The following GAREM2 variants were observed in gnomAD, a reference collection of about 807,000 sequenced individuals.
The protein encoded by GAREM2 is GRB2 associated regulator of MAPK1 subtype 2.
GAREM2 carries 30 observed loss-of-function variants against 55.6 expected under a neutral mutation model. That is an observed-to-expected ratio of 0.54 (90% CI 0.40 to 0.73). The LOEUF is 0.73. GAREM2 is among the 30% of genes least tolerant of loss of function. GAREM2 has a pLI of 0.00. For missense variants in GAREM2, 1,075 were observed against 1,257.7 expected (o/e 0.85, Z 2.20); for synonymous variants, 550 against 569.1 (o/e 0.97, Z 0.48).
At chr2:26,192,391 TGATA>T (rs1057517397), downstream of GAREM2, 3 of 1,606,324 alleles carry the variant, frequency 1.9e-6, no homozygotes, top group Non-Finnish European at 2.6e-6. Context: ...CACACCCTCC[TGATA>T]GATGTAAAAG....
At chr2:26,185,426 C>A in intron 4 of GAREM2, 150 bp downstream of exon 4, 1 of 1,282,876 alleles carries the variant, frequency 7.8e-7, no homozygotes, top group Non-Finnish European at 1.0e-6. Context: ...GCATGCCAGG[C>A]AAAAGCATTT....
At chr2:26,192,271 A>C (rs1558313892), downstream of GAREM2, 1 of 1,055,020 alleles carries the variant, frequency 9.5e-7, no homozygotes, top group Non-Finnish European at 1.5e-6. Flanking sequence ...CTGTCAGAGA[A>C]AGTCAATTTC....
chr2:26,202,326 T>G, the GAREM2 span, among the ~76,000 whole-genome samples: 13 of 152,232 alleles, frequency 8.5e-5, no homozygotes, highest in African/African-American at 2.9e-4. Context: ...CTGACCACAC[T>G]TTCAGAATAA....
Position 26,176,475 on chromosome 2 carries a change from C to T in GAREM2, c.244C>T (p.Gln82Ter). The change falls in exon 2 of 6, where the codon CAG becomes TAG. Residue 82 changes from glutamine (Q) to a stop codon, truncating the protein, a stop_gained. Transcript: ENST00000401533. LOFTEE classifies it high-confidence loss of function. ...CGGGCCCAAGATCGACATCCCCCTGCAGTACCCAGGTGTGTCCAGCCAGGA... is the reference window on the plus strand; with the variant it reads ...CGGGCCCAAGATCGACATCCCCCTGTAGTACCCAGGTGTGTCCAGCCAGGA... ...VIGPKIDIPL[Q>*]YPGKFKLLEQ... The T allele has an allele frequency of 6.5e-7, 1 of 1,546,970 alleles. No individual in the cohort carries two copies. The highest frequency in any genetic ancestry group is 8.7e-7 in the Non-Finnish European group (1 of 1,144,370).
chr2:26,203,173 G>A, the GAREM2 span, among the ~76,000 whole-genome samples: 3 of 152,196 alleles, frequency 2.0e-5, no homozygotes, highest in Non-Finnish European at 2.9e-5. Context: ...CTGCCAACAC[G>A]ATGAAACCTG....
intron 2 of GAREM2, chr2:26,181,157 C>T (rs934351619): frequency 1.2e-5 from 12 of 980,654 alleles, no homozygotes; most frequent in Non-Finnish European, 1.5e-5. Flanking sequence ...TTGCTCGAAA[C>T]ACTCCAGTGG....
At chr2:26,198,785 A>G in the GAREM2 span, among the ~76,000 whole-genome samples, 3 of 152,188 alleles carry the variant, frequency 2.0e-5, no homozygotes. Context: ...ATGGTGGCTA[A>G]ACAACTATAA....
downstream of GAREM2, among the ~76,000 whole-genome samples, chr2:26,192,760 A>G (rs745606950): frequency 6.6e-6 from 1 of 152,102 alleles, no homozygotes; most frequent in Non-Finnish European, 1.5e-5. Context: ...ACAAACAAAA[A>G]AGACCCTGAC....
Position 26,184,814 on chromosome 2 carries a change from G to A in GAREM2, c.966G>A (p.Pro322=), listed in dbSNP as rs1459165838. The A allele has an allele frequency of 2.0e-6, 3 of 1,489,522 alleles. No individual in the cohort carries two copies. The highest frequency in any genetic ancestry group is 1.8e-6 in the Non-Finnish European group (2 of 1,127,704). 92.3% of individuals were successfully genotyped at this position (1,489,522 alleles called of 1,614,324 possible). ...PLHFLLLTDT[P]RFALPQGLLA... ...ACTTCCTGCTGCTCACGGACACGCCGCGCTTCGCGCTGCCGCAGGGCCTGC... is the reference window on the plus strand; with the variant it reads ...ACTTCCTGCTGCTCACGGACACGCCACGCTTCGCGCTGCCGCAGGGCCTGC... The change falls in exon 4 of 6, where the codon CCG becomes CCA. Residue 322 remains proline, a synonymous_variant. Transcript: ENST00000401533.
At chr2:26,191,160 C>T (rs1669484227), downstream of GAREM2, 1 of 1,353,330 alleles carries the variant, frequency 7.4e-7, no homozygotes. Flanking sequence ...CTTCTCGTTA[C>T]TCTGATAAAT....
chr2:26,182,877 G>C (rs1669098177), intron 2 of GAREM2, 90 bp from the exon 3 acceptor site: 1 of 1,467,480 alleles, frequency 6.8e-7, no homozygotes, highest in Middle Eastern at 1.7e-4. Context: ...CCGAGATTAT[G>C]GTAGCAAGTG....
the GAREM2 span, among the ~76,000 whole-genome samples, chr2:26,196,788 C>A: frequency 6.6e-6 from 1 of 152,162 alleles, no homozygotes; most frequent in Non-Finnish European, 1.5e-5. Flanking sequence ...GCAACGGCAT[C>A]GCCTGTACTG....
chr2:26,202,328 T>G, the GAREM2 span, among the ~76,000 whole-genome samples: 32 of 152,254 alleles, frequency 2.1e-4, no homozygotes, highest in African/African-American at 7.7e-4. Flanking sequence ...GACCACACTT[T>G]CAGAATAAAT....
Position 26,185,153 on chromosome 2 carries a change from C to T in GAREM2, c.1305C>T (p.His435=). The part of the protein sequence containing the change: ...AEIPYEELWA[H]QGPEGLVRPP... ...TCCCCTACGAGGAGTTGTGGGCGCA[C>T]CAGGGGCCCGAGGGCCTCGTCCGGC... The change falls in exon 4 of 6, where the codon CAC becomes CAT. Residue 435 remains histidine, a synonymous_variant. Coordinates refer to ENST00000401533, the MANE Select transcript of GAREM2 (RefSeq NM_001168241.2). 1.3e-6 allele frequency: 2 copies of T among 1,503,256 alleles called. No individual in the cohort carries two copies. Among genetic ancestry groups the T allele is most frequent in the Non-Finnish European group, 1.8e-6 (2 of 1,133,564 alleles). The allele number at this position is 1,503,256 out of a possible 1,614,324, so 93.1% of individuals were successfully genotyped here.
At chr2:26,182,943 C>T in intron 2 of GAREM2, 24 bp from the exon 3 acceptor site, 1 of 1,550,402 alleles carries the variant, frequency 6.4e-7, no homozygotes, top group East Asian at 2.4e-5. Context: ...CCCACTCCAG[C>T]AACTTTTGTC....
Position 26,185,031 on chromosome 2 carries a change from G to A in GAREM2, c.1183G>A (p.Gly395Ser), listed in dbSNP as rs1669192445. Residue 395 changes from glycine to serine, a missense_variant, in exon 4 of 6, where the codon GGC becomes AGC. Transcript: ENST00000401533. ...PRAPGLARAP[G>S]PLAPAPAGEG... Reference sequence around the variant, plus strand: ...CGCCCCCGGGCTCGCCCGCGCCCCCGGCCCGCTAGCGCCGGCTCCCGCCGG... The same window carrying A: ...CGCCCCCGGGCTCGCCCGCGCCCCCAGCCCGCTAGCGCCGGCTCCCGCCGG... The A allele has an allele frequency of 1.7e-6, 2 of 1,154,092 alleles. No individual in the cohort carries two copies. The highest frequency in any genetic ancestry group is 7.8e-5 in the South Asian group (2 of 25,734). The allele number at this position is 1,154,092 out of a possible 1,614,324, so 71.5% of individuals were successfully genotyped here. A position where few individuals can be genotyped will look rare whatever the true frequency, so the allele number is the denominator to read the frequency against.
the GAREM2 span, among the ~76,000 whole-genome samples, chr2:26,199,705 T>G: frequency 5.9e-5 from 9 of 152,310 alleles, no homozygotes; most frequent in Admixed American, 5.9e-4. Context: ...GTAGCCTCTT[T>G]TTTTATTTTT....
At chr2:26,201,082 TA>T in the GAREM2 span, 4,721 of 1,130,270 alleles carry the variant, frequency 4.2e-3, no homozygotes, top group Non-Finnish European at 5.1e-3. Flanking sequence ...ATAGCTCCTT[TA>T]AAAAAAAAAT....
intron 2 of GAREM2, chr2:26,182,397 C>T (rs1469786289): frequency 3.2e-6 from 5 of 1,548,228 alleles, no homozygotes; most frequent in South Asian, 1.2e-5. Flanking sequence ...GAGTGGTTCT[C>T]CCAGGGCCTT....
Sources: allele counts gnomAD v4.1 joint callset (sites outside exome capture counted in the v4.1 genomes callset), GRCh38; gene constraint gnomAD v4.1.1; transcripts MANE v1.5; gene names NCBI Gene and HGNC (gene_info 2026-07-23, HGNC 2026-07-21).